The following RGPD2 variants were observed in gnomAD, a reference collection of about 807,000 sequenced individuals.
RGPD2 encodes RANBP2-like and GRIP domain-containing protein 2.
RGPD2 carries 2 observed loss-of-function variants against 36.0 expected under a neutral mutation model. The observed-to-expected ratio is 0.06, with a 90% CI of 0.02 to 0.17. RGPD2 has a LOEUF of 0.17. Among genes scored for constraint, RGPD2 ranks in the 10% least tolerant of loss-of-function variants. RGPD2 has a pLI of 1.00. For synonymous variants in RGPD2, 19 were observed against 163.8 expected (o/e 0.12, Z 6.75); for missense variants, 40 against 464.3 (o/e 0.09, Z 8.40).
the RGPD2 span, among the ~76,000 whole-genome samples, chr2:87,903,116 A>G: frequency 2.3e-5 from 3 of 132,078 alleles, no homozygotes; most frequent in Non-Finnish European, 4.8e-5. Context: ...ACAGCAGACC[A>G]TTTCTGAATA....
the RGPD2 span, chr2:87,968,712 G>C: frequency 4.3e-6 from 1 of 233,304 alleles, no homozygotes. Context: ...CCAAGTGATT[G>C]ACCATTAAGA....
At chr2:87,981,898 C>CT in the RGPD2 span, among the ~76,000 whole-genome samples, 2 of 48,002 alleles carry the variant, frequency 4.2e-5, no homozygotes, top group African/African-American at 1.1e-4. Context: ...AGAAGATTTG[C>CT]TTGTGAAGCA....
In RGPD2 at chr2:87,824,742, G is replaced by GGCCGCC. The variant is rs1329887497; in HGVS notation, c.72+910_72+915dup. On this transcript the variant is annotated intron_variant, in intron 1 of 22. Coordinates refer to ENST00000398146, the MANE Select transcript of RGPD2 (RefSeq NM_001078170.3). ...CGCCGCCGCCGCCCGGCCAGGCCGAGGCCGCCGCCGCCGCCGCCGCCGCCG... is the reference window on the plus strand; with the variant it reads ...CGCCGCCGCCGCCCGGCCAGGCCGAGGCCGCCGCCGCCGCCGCCGCCGCCGCCGCCG... 2.7e-3 allele frequency among the ~76,000 whole-genome samples: 239 copies of GGCCGCC among 87,720 alleles called. 3 individuals are homozygous for GGCCGCC. Among genetic ancestry groups the GGCCGCC allele is most frequent in the Admixed American group, 5.1e-3 (44 of 8,666 alleles). The allele number at this position is 87,720 out of a possible 152,430, so 57.5% of individuals were successfully genotyped here.
At chr2:87,937,461 T>C in the RGPD2 span, among the ~76,000 whole-genome samples, 1 of 151,828 alleles carries the variant, frequency 6.6e-6, no homozygotes, top group Non-Finnish European at 1.5e-5. Flanking sequence ...GACACCAGCA[T>C]CTACTTCTGG....
chr2:87,937,656 G>A, the RGPD2 span, among the ~76,000 whole-genome samples: 4 of 152,054 alleles, frequency 2.6e-5, no homozygotes, highest in Admixed American at 1.3e-4. Flanking sequence ...CCCATGGCAT[G>A]ACCCAAATTC....
At chr2:87,966,605 G>T in the RGPD2 span, among the ~76,000 whole-genome samples, 2 of 152,234 alleles carry the variant, frequency 1.3e-5, no homozygotes, top group African/African-American at 2.4e-5. Flanking sequence ...GGAGAATTTC[G>T]AGTCCCCAAA....
chr2:87,864,183 G>C, the RGPD2 span, among the ~76,000 whole-genome samples: 1 of 151,848 alleles, frequency 6.6e-6, no homozygotes, highest in Non-Finnish European at 1.5e-5. Flanking sequence ...CTGAGTAAAT[G>C]TAAATGCCCC....
chr2:87,986,440 G>A, the RGPD2 span, among the ~76,000 whole-genome samples: 1 of 151,804 alleles, frequency 6.6e-6, no homozygotes, highest in Admixed American at 6.6e-5. Context: ...GCCAAGGACA[G>A]CTTTTTGATC....
chr2:87,975,745 T>C, the RGPD2 span, among the ~76,000 whole-genome samples: 1 of 152,020 alleles, frequency 6.6e-6, no homozygotes. Context: ...GGTCTAGTTA[T>C]GCCATGATGT....
chr2:87,964,195 A>C, the RGPD2 span, among the ~76,000 whole-genome samples: 7 of 152,284 alleles, frequency 4.6e-5, no homozygotes, highest in South Asian at 1.4e-3. Flanking sequence ...TAAGCAGTTC[A>C]TATTTCTGCA....
At chr2:87,989,409 A>G in the RGPD2 span, among the ~76,000 whole-genome samples, 1 of 152,112 alleles carries the variant, frequency 6.6e-6, no homozygotes, top group Non-Finnish European at 1.5e-5. Flanking sequence ...AGTCACCATC[A>G]TCAAAAGGAC....
At chr2:87,973,395 C>CTA in the RGPD2 span, among the ~76,000 whole-genome samples, 7 of 129,480 alleles carry the variant, frequency 5.4e-5, no homozygotes, top group Admixed American at 1.7e-4. Flanking sequence ...ATCTGGAGGA[C>CTA]TACTCCCCGT....
At chr2:87,871,865 CAA>C in the RGPD2 span, among the ~76,000 whole-genome samples, 6 of 133,040 alleles carry the variant, frequency 4.5e-5, no homozygotes. Context: ...AACTCTGTCT[CAA>C]AAAAAAAAAA....
chr2:87,978,775 C>G, the RGPD2 span, among the ~76,000 whole-genome samples: 900 of 124,194 alleles, frequency 7.2e-3, 20 homozygotes, highest in Non-Finnish European at 0.011. Context: ...AAAAATTAGC[C>G]AGGCATGATG....
At chr2:87,805,775 G>A (rs1455128669) in intron 7 of RGPD2, among the ~76,000 whole-genome samples, 2 of 151,836 alleles carry the variant, frequency 1.3e-5, no homozygotes, top group African/African-American at 4.8e-5. Flanking sequence ...CAGGAAAATG[G>A]TGTGAACTCG....
the RGPD2 span, among the ~76,000 whole-genome samples, chr2:87,963,815 A>C: frequency 2.4e-5 from 3 of 124,808 alleles, no homozygotes; most frequent in South Asian, 2.9e-4. Context: ...CAAAGAGAGA[A>C]CCTTCTTTTC....
chr2:87,832,134 C>T, the RGPD2 span, among the ~76,000 whole-genome samples: 11 of 147,068 alleles, frequency 7.5e-5, no homozygotes, highest in African/African-American at 2.8e-4. Flanking sequence ...ATTCTGTAAC[C>T]TAAAGATGTT....
chr2:87,848,492 T>C, the RGPD2 span, among the ~76,000 whole-genome samples: 1 of 151,578 alleles, frequency 6.6e-6, no homozygotes, highest in Non-Finnish European at 1.5e-5. Context: ...AACATATGAC[T>C]GATTGAGAAA....
the RGPD2 span, chr2:87,972,908 C>T: frequency 2.5e-6 from 4 of 1,613,306 alleles, no homozygotes; most frequent in East Asian, 8.9e-5. Context: ...ACTCAGGCTG[C>T]AACAACAGCA....
Sources: allele counts gnomAD v4.1 joint callset (sites outside exome capture counted in the v4.1 genomes callset), GRCh38; gene constraint gnomAD v4.1.1; transcripts MANE v1.5; gene names NCBI Gene and HGNC (gene_info 2026-07-23, HGNC 2026-07-21).